Variants in TMEM164 observed in about 807,000 individuals in gnomAD.
The protein encoded by TMEM164 is RP13-360B22.2.
Under a neutral mutation model 18.8 loss-of-function variants are expected in TMEM164, and 4 were observed. The observed-to-expected ratio is 0.21, with a 90% CI of 0.10 to 0.49. The LOEUF (loss-of-function observed/expected upper bound fraction) is 0.49, where lower values mean the gene tolerates loss of function less well. Among genes scored for constraint, TMEM164 ranks in the 20% least tolerant of loss-of-function variants. The pLI is 0.98. For synonymous variants in TMEM164, 86 were observed against 101.7 expected (o/e 0.85, Z 0.93); for missense variants, 108 against 239.9 (o/e 0.45, Z 3.63).
At chrX:110,041,995 A>G (rs1426031590) in intron 2 of TMEM164, among the ~76,000 whole-genome samples, 1 of 112,098 alleles carries the variant, frequency 8.9e-6, no homozygotes, top group African/African-American at 3.2e-5. Flanking sequence ...GTTTTCATAT[A>G]CTACATTTAA....
chrX:110,067,871 T>G (rs1462861660), intron 3 of TMEM164, among the ~76,000 whole-genome samples: 2 of 112,609 alleles, frequency 1.8e-5, no homozygotes, highest in Non-Finnish European at 3.7e-5. Flanking sequence ...AGTTCAGACT[T>G]TCATAAAAAT....
chrX:110,083,443 C>G (rs931299444), intron 3 of TMEM164, among the ~76,000 whole-genome samples: 1 of 111,194 alleles, frequency 9.0e-6, no homozygotes, highest in Admixed American at 9.6e-5. Context: ...GTTTCATACC[C>G]TTATATATGC....
intron 2 of TMEM164, among the ~76,000 whole-genome samples, chrX:110,043,151 A>G (rs1935169307): frequency 8.9e-6 from 1 of 112,847 alleles, no homozygotes; most frequent in African/African-American, 3.2e-5. Flanking sequence ...GGCTTCCAGC[A>G]TGCAACAGAA....
chrX:110,062,476 A>G (rs1936162052), intron 2 of TMEM164, among the ~76,000 whole-genome samples: 1 of 111,620 alleles, frequency 9.0e-6, no homozygotes, highest in Admixed American at 9.6e-5. Context: ...ATAGCAATTT[A>G]AATAATTTTT....
intron 3 of TMEM164, among the ~76,000 whole-genome samples, chrX:110,103,437 C>T (rs2066140805): frequency 8.9e-6 from 1 of 111,792 alleles, no homozygotes. Flanking sequence ...ATAGTTTCAG[C>T]AGGCCTCTAA....
chrX:110,093,066 G>A (rs1470997443), intron 3 of TMEM164, among the ~76,000 whole-genome samples: 2 of 111,824 alleles, frequency 1.8e-5, no homozygotes, highest in Non-Finnish European at 1.9e-5. Flanking sequence ...AAGCCAACTT[G>A]ATCGTGATGG....
intron 2 of TMEM164, among the ~76,000 whole-genome samples, chrX:110,025,606 TTTTG>T (rs1436216900): frequency 8.9e-6 from 1 of 112,194 alleles, no homozygotes; most frequent in Non-Finnish European, 1.9e-5. Flanking sequence ...GCAGTATTTG[TTTTG>T]TTTGTTTGTT....
chrX:110,015,098 T>C (rs746972053), intron 2 of TMEM164, among the ~76,000 whole-genome samples: 1 of 111,867 alleles, frequency 8.9e-6, no homozygotes, highest in South Asian at 3.7e-4. Flanking sequence ...TGGGGCCTCG[T>C]TTTCAAGACT....
intron 5 of TMEM164, among the ~76,000 whole-genome samples, chrX:110,145,122 A>G (rs1272109141): frequency 9.0e-6 from 1 of 111,040 alleles, no homozygotes; most frequent in African/African-American, 3.3e-5. Flanking sequence ...ACTGTCTGTC[A>G]CAGGGCCTGG....
At chrX:110,111,640 T>C (rs991185787) in intron 4 of TMEM164, among the ~76,000 whole-genome samples, 8 of 112,261 alleles carry the variant, frequency 7.1e-5, no homozygotes, top group African/African-American at 2.6e-4. Flanking sequence ...TGGATAGATA[T>C]AGTTCCTCTA....
At chrX:110,130,131 A>G (rs2066592207) in intron 4 of TMEM164, among the ~76,000 whole-genome samples, 1 of 112,253 alleles carries the variant, frequency 8.9e-6, no homozygotes, top group Non-Finnish European at 1.9e-5. Context: ...TGGCAATTTA[A>G]TTAGAAAATT....
chrX:110,103,079 T>C (rs1249818783), intron 3 of TMEM164, among the ~76,000 whole-genome samples: 3 of 112,516 alleles, frequency 2.7e-5, no homozygotes, highest in Non-Finnish European at 5.6e-5. Flanking sequence ...TCTTACCAGC[T>C]AAGCAGACTC....
At chrX:110,130,854 G>C (rs1180244955) in intron 4 of TMEM164, among the ~76,000 whole-genome samples, 1 of 111,864 alleles carries the variant, frequency 8.9e-6, no homozygotes, top group East Asian at 2.8e-4. Context: ...CCATCCTTCA[G>C]TGCTGATGGA....
chrX:110,175,959 G>T lies in TMEM164; in HGVS notation c.*2508G>T, dbSNP rs903504085. On this transcript the variant is annotated 3_prime_UTR_variant, in exon 7 of 7. Coordinates refer to ENST00000372068, the MANE Select transcript of TMEM164 (RefSeq NM_032227.4). ...CCTGTGCCGGCCCTCTACTGCCCCA[G>T]CTTTGGTACAGGAGTGAGGGAGAAG... 49 of 754,807 alleles carry T rather than the reference G, an allele frequency of 6.5e-5. No individual in the cohort carries two copies. Among genetic ancestry groups the T allele is most frequent in the Middle Eastern group, 4.0e-4 (1 of 2,530 alleles). The allele number at this position is 754,807 out of a possible 1,213,427, so 62.2% of individuals were successfully genotyped here.
At chrX:110,099,521 TTA>T (rs1192505049) in intron 3 of TMEM164, among the ~76,000 whole-genome samples, 1 of 112,650 alleles carries the variant, frequency 8.9e-6, no homozygotes, top group African/African-American at 3.2e-5. Flanking sequence ...AATCAAATGA[TTA>T]TATTTGTGTG....
downstream of TMEM164, among the ~76,000 whole-genome samples, chrX:110,179,819 C>T (rs930220180): frequency 8.9e-6 from 1 of 112,298 alleles, no homozygotes; most frequent in South Asian, 3.7e-4. Flanking sequence ...GCCCCTGGCA[C>T]AGGACCCATT....
At chrX:110,026,396 T>G (rs1385769130) in intron 2 of TMEM164, among the ~76,000 whole-genome samples, 1 of 111,579 alleles carries the variant, frequency 9.0e-6, no homozygotes, top group African/African-American at 3.3e-5. Flanking sequence ...ATGAGCTGTA[T>G]GCTGGGTGTG....
intron 2 of TMEM164, among the ~76,000 whole-genome samples, chrX:110,010,930 A>G (rs981222914): frequency 1.8e-5 from 2 of 111,618 alleles, no homozygotes; most frequent in African/African-American, 6.5e-5. Context: ...CAGTCCTTCT[A>G]TATCCCCCCG....
At chrX:110,042,603 C>A (rs1272578469) in intron 2 of TMEM164, among the ~76,000 whole-genome samples, 1 of 111,811 alleles carries the variant, frequency 8.9e-6, no homozygotes, top group Non-Finnish European at 1.9e-5. Context: ...AACTGCCAAA[C>A]TGTTTTCCAC....
Sources: allele counts gnomAD v4.1 joint callset (sites outside exome capture counted in the v4.1 genomes callset), GRCh38; gene constraint gnomAD v4.1.1; transcripts MANE v1.5; gene names NCBI Gene and HGNC (gene_info 2026-07-23, HGNC 2026-07-21).